Variants in NEO1 observed in about 807,000 individuals in gnomAD.
NEO1 encodes the protein neogenin 1.
A neutral mutation model predicts 159.7 loss-of-function variants in NEO1; 63 were observed. That is an observed-to-expected ratio of 0.39 (90% CI 0.32 to 0.49). The LOEUF is 0.49. Ranked by LOEUF, NEO1 falls within the 20% of genes least tolerant of loss-of-function variation. NEO1 has a pLI of 0.85. For missense variants in NEO1, 1,615 were observed against 1,831.0 expected, an observed-to-expected ratio of 0.88 and a Z score of 2.15; for synonymous variants, 633 against 662.0, an observed-to-expected ratio of 0.96 and a Z score of 0.67.
At chr15:73,077,151 C>A (rs1055020756) in intron 1 of NEO1, among the ~76,000 whole-genome samples, 1 of 152,194 alleles carries the variant, frequency 6.6e-6, no homozygotes, top group Non-Finnish European at 1.5e-5. Flanking sequence ...TCTAGTGATT[C>A]TCCTGCCTCA....
intron 7 of NEO1, among the ~76,000 whole-genome samples, chr15:73,232,376 A>G (rs913281549): frequency 6.6e-6 from 1 of 152,230 alleles, no homozygotes; most frequent in African/African-American, 2.4e-5. Flanking sequence ...TTAGTGCTGA[A>G]CCAAAGATTA....
intron 26 of NEO1, 74 bp from the exon 27 acceptor site, chr15:73,298,274 A>G: frequency 6.3e-7 from 1 of 1,582,500 alleles, no homozygotes; most frequent in Admixed American, 1.7e-5. Context: ...GAACCCCTAG[A>G]AGTAGCCAAA....
chr15:73,070,490 T>A, intron 1 of NEO1, among the ~76,000 whole-genome samples: 1 of 152,208 alleles, frequency 6.6e-6, no homozygotes, highest in East Asian at 1.9e-4. Context: ...CATAAATGCA[T>A]AATTTCATGA....
intron 1 of NEO1, among the ~76,000 whole-genome samples, chr15:73,077,159 T>C (rs1294261634): frequency 1.3e-5 from 2 of 152,162 alleles, no homozygotes; most frequent in African/African-American, 2.4e-5. Flanking sequence ...TTCTCCTGCC[T>C]CAGCCTCCCG....
rs551406950 is a variant in NEO1, at chr15:73,079,289, A to G, written c.130+26484A>G. 1.8e-4 allele frequency among the ~76,000 whole-genome samples: 28 copies of G among 152,340 alleles called. No individual in the cohort carries two copies. The South Asian group carries it at 5.6e-3, about 30-fold the overall frequency. ...CTAGGAATACAAATTATGTTAAGACATTTAAGGCAATTTCTAGAAATCTTT... is the reference window on the plus strand; with the variant it reads ...CTAGGAATACAAATTATGTTAAGACGTTTAAGGCAATTTCTAGAAATCTTT... On this transcript the variant is annotated intron_variant, in intron 1 of 28. Coordinates refer to ENST00000261908, the MANE Select transcript of NEO1 (RefSeq NM_002499.4).
rs11400510 is a variant in NEO1, at chr15:73,066,035, CT to C, written c.130+13244del. 3.0e-3 allele frequency among the ~76,000 whole-genome samples: 423 copies of C among 139,740 alleles called. 2 individuals are homozygous for C. The highest frequency in any genetic ancestry group is 8.2e-3 in the African/African-American group (321 of 38,982). The allele number at this position is 139,740 out of a possible 152,430, so 91.7% of individuals were successfully genotyped here. On this transcript the variant is annotated intron_variant, in intron 1 of 28. Coordinates refer to ENST00000261908, the MANE Select transcript of NEO1 (RefSeq NM_002499.4). The stretch of plus-strand genomic sequence containing the variant: ...TTCTTTTTATTTCTTTCTTTCTTTT[CT>C]TTTTTTTTTTTTTGAGACGGAGTCT...
intron 1 of NEO1, among the ~76,000 whole-genome samples, chr15:73,076,730 T>A (rs1414509221): frequency 6.6e-6 from 1 of 152,174 alleles, no homozygotes; most frequent in Non-Finnish European, 1.5e-5. Flanking sequence ...GATTTTTTTC[T>A]TTGGAAGCAA....
At chr15:73,256,290 A>G (rs1361554678) in intron 13 of NEO1, among the ~76,000 whole-genome samples, 1 of 152,138 alleles carries the variant, frequency 6.6e-6, no homozygotes, top group Non-Finnish European at 1.5e-5. Context: ...ACCTGAGGTC[A>G]GGAGTTCAAG....
intron 13 of NEO1, among the ~76,000 whole-genome samples, chr15:73,255,119 TA>T (rs1447765469): frequency 6.6e-6 from 1 of 152,190 alleles, no homozygotes; most frequent in Non-Finnish European, 1.5e-5. Context: ...TTTGTAATCT[TA>T]AAAATGATTA....
chr15:73,160,782 A>G (rs1188022392), intron 5 of NEO1, among the ~76,000 whole-genome samples: 1 of 152,136 alleles, frequency 6.6e-6, no homozygotes. Context: ...GAGTTCAGCT[A>G]CCTAGACGCT....
intron 7 of NEO1, among the ~76,000 whole-genome samples, chr15:73,220,821 A>G (rs2038202849): frequency 6.6e-6 from 1 of 152,122 alleles, no homozygotes; most frequent in East Asian, 1.9e-4. Flanking sequence ...ATAGTTATAC[A>G]TTCGTCTAAA....
At position 73,197,971 on chromosome 15, in the gene NEO1, A is replaced by G. The variant is rs9806452; in HGVS notation, c.1291+19544A>G. Reference sequence around the variant, plus strand: ...ACTGGGATTACAGGTGTGAACCCCCATGCCTGTCCATGCTTTTATAATAGC... The same window carrying G: ...ACTGGGATTACAGGTGTGAACCCCCGTGCCTGTCCATGCTTTTATAATAGC... On this transcript the variant is annotated intron_variant, in intron 7 of 28. Coordinates refer to ENST00000261908, the MANE Select transcript of NEO1 (RefSeq NM_002499.4). Among the ~76,000 whole-genome samples, 1,305 of 152,110 alleles carry G rather than the reference A, an allele frequency of 8.6e-3. 22 individuals carry two copies. Among genetic ancestry groups the G allele is most frequent in the African/African-American group, 0.03 (1,233 of 41,504 alleles).
chr15:73,271,393 A>G (rs1291115453), intron 18 of NEO1, among the ~76,000 whole-genome samples: 1 of 152,132 alleles, frequency 6.6e-6, no homozygotes, highest in Non-Finnish European at 1.5e-5. Flanking sequence ...AGTTGAGTAA[A>G]TTTAAGGATG....
chr15:73,126,016 A>T (rs116728660), intron 3 of NEO1, among the ~76,000 whole-genome samples: 2,213 of 152,304 alleles, frequency 0.015, 49 homozygotes, highest in African/African-American at 0.051. Flanking sequence ...CGATTGATTG[A>T]CAAGTACGTA....
chr15:73,119,428 A>G (rs1407971060), intron 2 of NEO1, among the ~76,000 whole-genome samples: 3 of 152,216 alleles, frequency 2.0e-5, no homozygotes, highest in Non-Finnish European at 4.4e-5. Flanking sequence ...AGAATTAAGT[A>G]TGAGAGGTCT....
Position 73,269,991 on chromosome 15 carries a change from TA to T in NEO1, c.2495-16del. ...TACATTAAAATGCCACTTCCCTTTTTAAATTATTTTCTGCTCAGACACTTCT... is the reference window on the plus strand; with the variant it reads ...TACATTAAAATGCCACTTCCCTTTTTAATTATTTTCTGCTCAGACACTTCT... On this transcript the variant is annotated intron_variant, in intron 16 of 28. Transcript: ENST00000261908. The T allele has an allele frequency of 6.3e-7, 1 of 1,592,378 alleles. No individual in the cohort carries two copies.
intron 1 of NEO1, among the ~76,000 whole-genome samples, chr15:73,081,544 C>T (rs1025793640): frequency 2.0e-5 from 3 of 152,138 alleles, no homozygotes; most frequent in South Asian, 2.1e-4. Context: ...GGATCTGCCA[C>T]CTGGTGGTGA....
chr15:73,167,084 T>A (rs1470858996), intron 5 of NEO1, among the ~76,000 whole-genome samples: 1 of 136,566 alleles, frequency 7.3e-6, no homozygotes, highest in African/African-American at 2.8e-5. Context: ...ATGAGAACAC[T>A]TGGACACAGG....
At chr15:73,154,484 C>G (rs1483156809) in intron 5 of NEO1, among the ~76,000 whole-genome samples, 1 of 152,116 alleles carries the variant, frequency 6.6e-6, no homozygotes, top group Non-Finnish European at 1.5e-5. Context: ...ACCATTACCC[C>G]CCACCCACTA....
Sources: gnomAD v4.1 joint callset for allele counts (sites outside exome capture counted in the v4.1 genomes callset) on GRCh38, gnomAD v4.1.1 for gene constraint, MANE v1.5 for transcripts, NCBI Gene and HGNC (gene_info 2026-07-23, HGNC 2026-07-21) for gene names.